Variants in IRX4 observed in about 807,000 individuals in gnomAD.
IRX4 encodes iroquois homeobox 4.
Under a neutral mutation model 32.0 loss-of-function variants are expected in IRX4, and 22 were observed. That is an observed-to-expected ratio of 0.69 (90% CI 0.49 to 0.98). The LOEUF (loss-of-function observed/expected upper bound fraction) is 0.98. Ranked by LOEUF, IRX4 falls within the 50% of genes least tolerant of loss-of-function variation. The probability of loss-of-function intolerance (pLI) is 0.00; values close to 1 mark genes in which losing one functional copy is unlikely to be tolerated. For missense variants in IRX4, 840 were observed against 744.2 expected (o/e 1.13, Z -1.50); for synonymous variants, 379 against 351.7 (o/e 1.08, Z -0.87).
chr5:1,881,965 AC>A lies in IRX4; in HGVS notation c.139del (p.Val47SerfsTer41). 6.4e-7 allele frequency: 1 copy of A among 1,558,530 alleles called. No individual in the cohort carries two copies. Among genetic ancestry groups the A allele is most frequent in the Non-Finnish European group, 8.7e-7 (1 of 1,151,836 alleles). On this transcript the variant is annotated frameshift_variant, in exon 2 of 5. Coordinates refer to ENST00000231357, the MANE Select transcript of IRX4 (RefSeq NM_016358.3). LOFTEE classifies it high-confidence loss of function. ...SGPAASAQAP[V>X]YCPVYESRLL... ...CCGGCTCTCGTAGACCGGGCAGTAG[AC>A]CGGCGCCTGGGCCGAGGCGGCGGGC...
upstream of IRX4, among the ~76,000 whole-genome samples, chr5:1,886,550 G>T (rs1175358042): frequency 6.6e-6 from 1 of 152,172 alleles, no homozygotes; most frequent in Non-Finnish European, 1.5e-5. Flanking sequence ...GACAAGCGGT[G>T]AATCTCTGGA....
rs1208442684 is a variant in IRX4, at chr5:1,878,294, G to T, written c.1235C>A (p.Thr412Lys). 1 of 1,587,762 alleles carries T rather than the reference G, an allele frequency of 6.3e-7. No homozygotes were observed. Among genetic ancestry groups the T allele is most frequent in the East Asian group, 2.3e-5 (1 of 43,742 alleles). ...APAAVSSAPA[T>K]SPSVALPHSG... ...GTGGGGAAGGGCCACAGACGGGGAC[G>T]TGGCGGGCGCGGAGGACACAGCCGC... The change falls in exon 5 of 5, where the codon ACG becomes AAG. Residue 412 changes from threonine to lysine, a missense_variant. By Grantham distance (78) the Thr-to-Lys change is moderately conservative. This residue lies in a region of IRX4 where 585 missense variants were observed against 488.0 expected (regional missense o/e 1.20). Transcript: ENST00000231357.
At chr5:1,880,044 G>T (rs906308192) in intron 3 of IRX4, 27 of 1,531,058 alleles carry the variant, frequency 1.8e-5, no homozygotes, top group Non-Finnish European at 2.2e-5. Flanking sequence ...AAAGGGCAAA[G>T]ATTATATTTG....
At chr5:1,883,559 T>C (rs1364562631), upstream of IRX4, among the ~76,000 whole-genome samples, 1 of 152,228 alleles carries the variant, frequency 6.6e-6, no homozygotes, top group Non-Finnish European at 1.5e-5. Context: ...GCGTGGGGGC[T>C]TCGGGGCCTT....
In IRX4 at chr5:1,877,793, G is replaced by A. The variant is rs960081308; in HGVS notation, c.*176C>T. 4.8e-6 allele frequency: 3 copies of A among 627,002 alleles called. No homozygotes were observed. Among genetic ancestry groups the A allele is most frequent in the Middle Eastern group, 4.4e-4 (1 of 2,274 alleles). The allele number at this position is 627,002 out of a possible 1,614,324, so 38.8% of individuals were successfully genotyped here. Reference sequence around the variant, plus strand: ...CTCAGGCCCAGGCGGTGGAGGCCCCGGCGTGGCAGCGCCGGGCTTGTCCAT... The same window carrying A: ...CTCAGGCCCAGGCGGTGGAGGCCCCAGCGTGGCAGCGCCGGGCTTGTCCAT... On this transcript the variant is annotated 3_prime_UTR_variant, in exon 5 of 5. Coordinates refer to ENST00000231357, the MANE Select transcript of IRX4 (RefSeq NM_016358.3).
chr5:1,878,027 C>A lies in IRX4; in HGVS notation c.1502G>T (p.Gly501Val). 1 of 1,508,274 alleles carries A rather than the reference C, an allele frequency of 6.6e-7. No individual in the cohort carries two copies. Among genetic ancestry groups the A allele is most frequent in the Non-Finnish European group, 8.8e-7 (1 of 1,134,034 alleles). 93.4% of individuals were successfully genotyped at this position (1,508,274 alleles called of 1,614,324 possible). The change falls in exon 5 of 5, where the codon GGC becomes GTC. Residue 501 changes from glycine to valine, a missense_variant. By Grantham distance (109) the Gly-to-Val change is moderately radical. Transcript: ENST00000231357. ...PAVPQDAPAA[G>V]AARELLALPK... is the part of the protein sequence containing the mutation. ...CAGGGCGAGCAGCTCCCTGGCGGCG[C>A]CTGCAGCTGGGGCGTCCTGGGGCAC... is the stretch of plus-strand genomic sequence containing the variant.
chr5:1,882,545 C>A, intron 1 of IRX4, 58 bp downstream of exon 1: 1 of 1,417,446 alleles, frequency 7.1e-7, no homozygotes, highest in Non-Finnish European at 9.6e-7. Context: ...CCCCCGTCCC[C>A]GCCCCATCCG....
rs1735499945 is a variant in IRX4 at position 1,882,732 on chromosome 5, T to G, written c.-85A>C. The G allele has an allele frequency of 1.1e-6, 1 of 874,914 alleles. No homozygotes were observed. Among genetic ancestry groups the G allele is most frequent in the Non-Finnish European group, 1.6e-6 (1 of 626,396 alleles). The allele number at this position is 874,914 out of a possible 1,614,324, so 54.2% of individuals were successfully genotyped here. ...CGTGGCGCGGCCACTGCTCCGGAGCTGCAGGCTTCTAGGCGCTGGGAGGGC... is the reference window on the plus strand; with the variant it reads ...CGTGGCGCGGCCACTGCTCCGGAGCGGCAGGCTTCTAGGCGCTGGGAGGGC... On this transcript the variant is annotated 5_prime_UTR_variant, in exon 1 of 5. Transcript: ENST00000231357.
intron 3 of IRX4, chr5:1,880,146 CA>C: frequency 6.5e-7 from 1 of 1,535,396 alleles, no homozygotes; most frequent in Non-Finnish European, 8.7e-7. Flanking sequence ...GTTTGATCCT[CA>C]AACCATAAAA....
rs1277712868 is a variant in IRX4, at chr5:1,878,067, C to A, written c.1462G>T (p.Ala488Ser). The part of the protein sequence containing the change: ...ANVLTAPLAR[A>S]FPPAVPQDAP... ...TCCTGGGGCACGGCAGGCGGAAAGGCGCGGGCCAGGGGTGCAGTCAGCACG... is the reference window on the plus strand; with the variant it reads ...TCCTGGGGCACGGCAGGCGGAAAGGAGCGGGCCAGGGGTGCAGTCAGCACG... Residue 488 changes from alanine to serine, a missense_variant, in exon 5 of 5, where the codon GCC (alanine) becomes TCC (serine). Ala to Ser is a moderately conservative substitution (Grantham distance 99). Coordinates refer to ENST00000231357, the MANE Select transcript of IRX4 (RefSeq NM_016358.3). 2.0e-6 allele frequency: 3 copies of A among 1,514,288 alleles called. No individual in the cohort carries two copies. Among genetic ancestry groups the A allele is most frequent in the East Asian group, 5.0e-5 (2 of 39,724 alleles). 93.8% of individuals were successfully genotyped at this position (1,514,288 alleles called of 1,614,324 possible).
In IRX4 at chr5:1,877,952, C is replaced by A. The variant is rs1168850450; in HGVS notation, c.*17G>T. On this transcript the variant is annotated 3_prime_UTR_variant, in exon 5 of 5. Transcript: ENST00000231357. ...GCCTGAGCGCGGGTTCCCTCCTGGG[C>A]TCGGGACCCGCCCGCCTCAGGCGCA... The A allele has an allele frequency of 4.0e-6, 6 of 1,493,774 alleles. No individual in the cohort carries two copies. Among genetic ancestry groups the A allele is most frequent in the East Asian group, 5.2e-5 (2 of 38,558 alleles). 92.5% of individuals were successfully genotyped at this position (1,493,774 alleles called of 1,614,324 possible). A position where few individuals can be genotyped will look rare whatever the true frequency, so the allele number is the denominator to read the frequency against.
chr5:1,880,014 G>A, intron 3 of IRX4, 182 bp from the exon 4 acceptor site: 2 of 1,509,170 alleles, frequency 1.3e-6, no homozygotes, highest in East Asian at 2.5e-5. Context: ...GCTGCCTGCT[G>A]GCACTTGTCT....
chr5:1,879,145 C>T (rs1319720863), intron 4 of IRX4, among the ~76,000 whole-genome samples: 11 of 152,128 alleles, frequency 7.2e-5, no homozygotes, highest in Admixed American at 7.2e-4. Flanking sequence ...GCGCCCGCCA[C>T]CACGCCCGGC....
chr5:1,880,778 G>A lies in IRX4; in HGVS notation c.354C>T (p.Ala118=), dbSNP rs1198845670. Residue 118 remains alanine (A), a synonymous_variant, in exon 3 of 5, where the codon GCC becomes GCT. Coordinates refer to ENST00000231357, the MANE Select transcript of IRX4 (RefSeq NM_016358.3). ...GCTCGTAAGGGTAGTAGGCGGCAGC[G>A]GCTGGTGCCAGGCCCCCATGCGCAG... ...SGSAHGGLAP[A]AAAYYPYEPA... 3 of 1,613,634 alleles carry A rather than the reference G, an allele frequency of 1.9e-6. No homozygotes were observed. The highest frequency in any genetic ancestry group is 2.2e-5 in the East Asian group (1 of 44,880).
At chr5:1,882,511 A>T (rs1735487439) in intron 1 of IRX4, 92 bp downstream of exon 1, 1 of 1,101,074 alleles carries the variant, frequency 9.1e-7, no homozygotes, top group Non-Finnish European at 1.3e-6. Flanking sequence ...AGCCGCAGGC[A>T]GTCGTAGGTC....
intron 4 of IRX4, among the ~76,000 whole-genome samples, chr5:1,879,141 G>A (rs1451842242): frequency 2.0e-5 from 3 of 152,020 alleles, no homozygotes; most frequent in Non-Finnish European, 4.4e-5. Context: ...ACAGGCGCCC[G>A]CCACCACGCC....
chr5:1,882,671 G>C lies in IRX4; in HGVS notation c.-24C>G. ...ATGGCGGGCGCGGCCCGGGGCGGAC[G>C]GGCGGGGCCTGCAGGGTTCTGCGCG... On this transcript the variant is annotated 5_prime_UTR_variant, in exon 1 of 5. Transcript: ENST00000231357. The C allele has an allele frequency of 7.3e-7, 1 of 1,372,612 alleles. No individual in the cohort carries two copies. Among genetic ancestry groups the C allele is most frequent in the Non-Finnish European group, 9.4e-7 (1 of 1,059,288 alleles). 85.0% of individuals were successfully genotyped at this position (1,372,612 alleles called of 1,614,324 possible). A position where few individuals can be genotyped will look rare whatever the true frequency, so the allele number is the denominator to read the frequency against.
intron 3 of IRX4, 29 bp downstream of exon 3, chr5:1,880,687 CGTGGGGCTA>C (rs779680361): frequency 1.4e-6 from 2 of 1,392,854 alleles, no homozygotes; most frequent in South Asian, 2.3e-5. Flanking sequence ...GCAGAGGGCC[CGTGGGGCTA>C]GTGCTGGTTA....
In IRX4 at chr5:1,882,240, G is replaced by A. The variant is rs1182255102; in HGVS notation, c.46-181C>T. Among the ~76,000 whole-genome samples, 4 of 150,422 alleles carry A rather than the reference G, an allele frequency of 2.7e-5. No homozygotes were observed. In the East Asian group the frequency reaches 8.0e-4, roughly 30 times the overall value. ...GTGCGCGTCTGGCCTCCTCCGCCAC[G>A]TGGGGCCCAGCCGAGCACCTACACC... On this transcript the variant is annotated intron_variant, in intron 1 of 4. Coordinates refer to ENST00000231357, the MANE Select transcript of IRX4 (RefSeq NM_016358.3).
Sources: allele counts gnomAD v4.1 joint callset (sites outside exome capture counted in the v4.1 genomes callset), GRCh38; gene constraint gnomAD v4.1.1; regional missense constraint gnomAD v4.1.1; transcripts MANE v1.5; gene names NCBI Gene and HGNC (gene_info 2026-07-23, HGNC 2026-07-21).